ITPRID1: variants seen among roughly 807,000 people sequenced by gnomAD.
ITPRID1 encodes ITPR interacting domain containing 1.
A neutral mutation model predicts 95.4 loss-of-function variants in ITPRID1; 96 were observed. The observed-to-expected ratio is 1.01, with a 90% confidence interval of 0.85 to 1.19. The LOEUF is 1.19. ITPRID1 is among the 50% of genes most tolerant of loss of function. The pLI is 0.00. For missense variants in ITPRID1, 1,339 were observed against 1,252.9 expected (o/e 1.07, Z -1.04); for synonymous variants, 510 against 453.6 (o/e 1.12, Z -1.58).
chr7:31,602,529 C>T (rs192727679), intron 10 of ITPRID1, among the ~76,000 whole-genome samples: 5 of 152,274 alleles, frequency 3.3e-5, no homozygotes, highest in East Asian at 1.9e-4. Flanking sequence ...TAGGACCCAG[C>T]GCCTGCACGA....
chr7:31,518,831 C>G (rs1311308474), intron 1 of ITPRID1, among the ~76,000 whole-genome samples: 1 of 152,070 alleles, frequency 6.6e-6, no homozygotes, highest in East Asian at 1.9e-4. Flanking sequence ...TTATTTAAAA[C>G]CTACAGAAAA....
chr7:31,625,273 G>C (rs955129193), intron 10 of ITPRID1, among the ~76,000 whole-genome samples: 1 of 95,804 alleles, frequency 1.0e-5, no homozygotes, highest in Non-Finnish European at 2.2e-5. Flanking sequence ...CCATTACTGG[G>C]TATATACCCA....
At chr7:31,526,897 C>T (rs1265701480) in intron 1 of ITPRID1, among the ~76,000 whole-genome samples, 2 of 152,144 alleles carry the variant, frequency 1.3e-5, no homozygotes, top group Non-Finnish European at 2.9e-5. Flanking sequence ...GCAAGAAGAT[C>T]TTTTCAGAAT....
chr7:31,614,130 C>G (rs1257819872), intron 10 of ITPRID1, among the ~76,000 whole-genome samples: 3 of 152,118 alleles, frequency 2.0e-5, no homozygotes, highest in Non-Finnish European at 2.9e-5. Flanking sequence ...GTTCTTTACC[C>G]CAGATATTAC....
At chr7:31,622,879 AAAGAG>A (rs1164770923) in intron 10 of ITPRID1, among the ~76,000 whole-genome samples, 2 of 152,212 alleles carry the variant, frequency 1.3e-5, no homozygotes, top group African/African-American at 2.4e-5. Context: ...ATAAAGAAGA[AAAGAG>A]AAGACTCAAA....
intron 10 of ITPRID1, among the ~76,000 whole-genome samples, chr7:31,631,999 A>C (rs551180605): frequency 2.0e-5 from 3 of 152,228 alleles, no homozygotes; most frequent in Non-Finnish European, 4.4e-5. Context: ...CCCAGTGACC[A>C]CCTGTTAGGA....
chr7:31,649,733 A>T (rs1395952060), intron 12 of ITPRID1, among the ~76,000 whole-genome samples: 4 of 152,144 alleles, frequency 2.6e-5, no homozygotes, highest in African/African-American at 9.7e-5. Flanking sequence ...TCAAAGCATG[A>T]TCCAACCCAG....
At chr7:31,648,098 A>C (rs1291042208) in intron 12 of ITPRID1, among the ~76,000 whole-genome samples, 1 of 152,224 alleles carries the variant, frequency 6.6e-6, no homozygotes, top group African/African-American at 2.4e-5. Flanking sequence ...ATCAGAAATA[A>C]GATTTCTGAA....
At chr7:31,582,338 T>C (rs1437811994) in intron 9 of ITPRID1, among the ~76,000 whole-genome samples, 2 of 152,168 alleles carry the variant, frequency 1.3e-5, no homozygotes, top group Non-Finnish European at 2.9e-5. Context: ...TGTGACAATA[T>C]CCAGAAAAAA....
rs38396 is a variant in ITPRID1, at chr7:31,642,987, T to C, written c.1617T>C (p.His539=). The change falls in exon 12 of 15, where the codon CAT becomes CAC. Residue 539 remains histidine, a synonymous_variant. Coordinates refer to ENST00000615280, the MANE Select transcript of ITPRID1 (RefSeq NM_001257967.3). ...GAGAATGCCCAAGGAAAGACAGCCA[T>C]CTGTGGCAGCTTCTGCCAATGCCCC... ...TRGECPRKDS[H]LWQLLPMPHA... is the part of the protein sequence containing the mutation. 0.19 allele frequency: 303,862 copies of C among 1,613,822 alleles called. 30,546 individuals carry two copies. Among genetic ancestry groups the C allele is most frequent in the Non-Finnish European group, 0.2 (238,307 of 1,179,814 alleles).
At chr7:31,646,663 T>C (rs898078895) in intron 12 of ITPRID1, among the ~76,000 whole-genome samples, 3 of 152,102 alleles carry the variant, frequency 2.0e-5, no homozygotes, top group African/African-American at 7.2e-5. Flanking sequence ...CAGCTGGAAA[T>C]AGATGTTCCT....
chr7:31,537,394 A>G (rs1783795572), intron 1 of ITPRID1, among the ~76,000 whole-genome samples: 1 of 152,082 alleles, frequency 6.6e-6, no homozygotes, highest in South Asian at 2.1e-4. Context: ...CAAATATGAA[A>G]ACAGACATGG....
chr7:31,622,886 A>G (rs1788053466), intron 10 of ITPRID1, among the ~76,000 whole-genome samples: 1 of 152,152 alleles, frequency 6.6e-6, no homozygotes, highest in Non-Finnish European at 1.5e-5. Flanking sequence ...AGAAAAGAGA[A>G]GACTCAAATA....
chr7:31,557,087 C>A (rs1348991035), intron 5 of ITPRID1, among the ~76,000 whole-genome samples: 4 of 151,858 alleles, frequency 2.6e-5, no homozygotes, highest in African/African-American at 9.7e-5. Context: ...AGACACCAGT[C>A]ATTGGATTAA....
intron 5 of ITPRID1, among the ~76,000 whole-genome samples, chr7:31,560,451 G>C (rs916340087): frequency 6.6e-6 from 1 of 152,174 alleles, no homozygotes; most frequent in African/African-American, 2.4e-5. Context: ...GCTTTGGGAG[G>C]AGGAGGTTGG....
Position 31,541,596 on chromosome 7 carries a change from C to T in ITPRID1, c.-97-7830C>T, listed in dbSNP as rs569237442. ...GATATATCAGAATTATAGGAGTCTC[C>T]CATACTTTGGAGCACATACCAATAA... On this transcript the variant is annotated intron_variant, in intron 1 of 14. Coordinates refer to ENST00000615280, the MANE Select transcript of ITPRID1 (RefSeq NM_001257967.3). Among the ~76,000 whole-genome samples, 7 of 152,132 alleles carry T rather than the reference C, an allele frequency of 4.6e-5. No homozygotes were observed. The East Asian group carries it at 1.4e-3, about 29-fold the overall frequency.
At chr7:31,610,675 CTT>C (rs1382251027) in intron 10 of ITPRID1, among the ~76,000 whole-genome samples, 2 of 151,524 alleles carry the variant, frequency 1.3e-5, no homozygotes, top group East Asian at 3.9e-4. Context: ...TAGATTGACT[CTT>C]TTATCATTAT....
At chr7:31,572,871 C>T (rs544580120) in intron 7 of ITPRID1, among the ~76,000 whole-genome samples, 1 of 152,236 alleles carries the variant, frequency 6.6e-6, no homozygotes, top group Non-Finnish European at 1.5e-5. Flanking sequence ...CATTTTTGAG[C>T]CATGTGTACC....
Position 31,568,912 on chromosome 7 carries a change from A to G in ITPRID1, c.257-846A>G, listed in dbSNP as rs35083815. 2.5e-3 allele frequency among the ~76,000 whole-genome samples: 385 copies of G among 152,356 alleles called. 3 individuals carry two copies. The highest frequency in any genetic ancestry group is 4.2e-3 in the Non-Finnish European group (285 of 68,034). ...AATAAGTTGCAGCATCCTACTAGCC[A>G]TGAGAAATTTATTTAATCTCTCTCA... On this transcript the variant is annotated intron_variant, in intron 5 of 14. Coordinates refer to ENST00000615280, the MANE Select transcript of ITPRID1 (RefSeq NM_001257967.3).
Sources: allele counts gnomAD v4.1 joint callset (sites outside exome capture counted in the v4.1 genomes callset), GRCh38; gene constraint gnomAD v4.1.1; transcripts MANE v1.5; gene names NCBI Gene and HGNC (gene_info 2026-07-23, HGNC 2026-07-21).